The following TRPM8 variants were observed in gnomAD, a reference collection of about 807,000 sequenced individuals.
TRPM8 encodes the protein transient receptor potential cation channel subfamily M member 8.
Under a neutral mutation model 133.7 loss-of-function variants are expected in TRPM8, and 110 were observed. The observed-to-expected ratio is 0.82, with a 90% confidence interval of 0.70 to 0.96. The LOEUF is 0.96. Among genes scored for constraint, TRPM8 ranks in the 40% least tolerant of loss-of-function variants. The pLI is 0.00. For synonymous variants in TRPM8, 535 were observed against 532.3 expected, an observed-to-expected ratio of 1.01 and a Z score of -0.07; for missense variants, 1,291 against 1,379.5, an observed-to-expected ratio of 0.94 and a Z score of 1.02.
At chr2:234,001,358 C>G (rs4664000) in intron 22 of TRPM8, among the ~76,000 whole-genome samples, 111,817 of 152,100 alleles carry the variant, frequency 0.74, 41,565 homozygotes, top group African/African-American at 0.84. Flanking sequence ...TTTTGAGGTA[C>G]TGTGTCCTAA....
intron 8 of TRPM8, among the ~76,000 whole-genome samples, 154 bp from the exon 9 acceptor site, chr2:233,949,795 T>C (rs920648996): frequency 6.6e-6 from 1 of 152,218 alleles, no homozygotes; most frequent in African/African-American, 2.4e-5. Flanking sequence ...ATTGACAATA[T>C]TTGATTTGCT....
rs1240337330 is a variant in TRPM8 at position 234,018,229 on chromosome 2, GTTT to G, written c.*976_*978del. ...TTTCACTTAGTATTTTATCAAATAT[GTTT>G]TTATTATATTCATAGCCTTCTTAAA... On this transcript the variant is annotated 3_prime_UTR_variant, in exon 26 of 26. Transcript: ENST00000324695. 1 of 151,758 alleles carries G rather than the reference GTTT, an allele frequency of 6.6e-6. No individual in the cohort carries two copies. 9.4% of individuals were successfully genotyped at this position (151,758 alleles called of 1,614,324 possible). A position where few individuals can be genotyped will look rare whatever the true frequency, so the allele number is the denominator to read the frequency against.
chr2:233,944,105 A>T (rs974284812), intron 6 of TRPM8, among the ~76,000 whole-genome samples: 9 of 152,096 alleles, frequency 5.9e-5, no homozygotes, highest in Non-Finnish European at 1.2e-4. Flanking sequence ...CCCTTCTTCA[A>T]GCTTTTATAA....
In TRPM8 at chr2:233,972,368, C is replaced by A. The variant is rs184669755; in HGVS notation, c.2355+1942C>A. ...TCCTTGGGCTAGACATAAAGTTTCTCCACGTCCCCACCAGACTCAGGAGCC... is the reference window on the plus strand; with the variant it reads ...TCCTTGGGCTAGACATAAAGTTTCTACACGTCCCCACCAGACTCAGGAGCC... On this transcript the variant is annotated intron_variant, in intron 17 of 25. Coordinates refer to ENST00000324695, the MANE Select transcript of TRPM8 (RefSeq NM_024080.5). 2.0e-5 allele frequency among the ~76,000 whole-genome samples: 3 copies of A among 152,390 alleles called. No homozygotes were observed. The East Asian group carries it at 5.8e-4, about 29-fold the overall frequency.
At chr2:234,009,171 C>T (rs886129161) in intron 24 of TRPM8, among the ~76,000 whole-genome samples, 7 of 152,240 alleles carry the variant, frequency 4.6e-5, no homozygotes, top group Non-Finnish European at 1.0e-4. Flanking sequence ...CCTCCTTTCA[C>T]AGTGCTCTCT....
intron 11 of TRPM8, among the ~76,000 whole-genome samples, chr2:233,958,541 C>T (rs997959194): frequency 1.3e-4 from 20 of 152,168 alleles, no homozygotes; most frequent in African/African-American, 4.1e-4. Flanking sequence ...CTACATGATT[C>T]TGATTAAAGT....
chr2:233,959,702 A>G (rs952588286), intron 11 of TRPM8, among the ~76,000 whole-genome samples: 2 of 152,182 alleles, frequency 1.3e-5, no homozygotes, highest in African/African-American at 2.4e-5. Flanking sequence ...ATAAAATTGT[A>G]AGAAATGCTA....
intron 1 of TRPM8, among the ~76,000 whole-genome samples, chr2:233,919,035 C>T (rs763927353): frequency 1.3e-5 from 2 of 151,232 alleles, no homozygotes; most frequent in Non-Finnish European, 2.9e-5. Flanking sequence ...TTGTTTCTCC[C>T]CCCACCCCAT....
intron 5 of TRPM8, among the ~76,000 whole-genome samples, chr2:233,940,769 T>C (rs1244585438): frequency 6.6e-6 from 1 of 152,216 alleles, no homozygotes; most frequent in Non-Finnish European, 1.5e-5. Flanking sequence ...AGAAAAGATT[T>C]ATTCACAGGG....
intron 11 of TRPM8, among the ~76,000 whole-genome samples, chr2:233,955,652 G>A (rs1325364287): frequency 6.6e-6 from 1 of 152,030 alleles, no homozygotes; most frequent in Non-Finnish European, 1.5e-5. Flanking sequence ...TTTGCTCCCT[G>A]CCCCCACCTG....
chr2:233,937,872 C>CT lies in TRPM8; in HGVS notation c.348+363_348+364insT, dbSNP rs199987009. On this transcript the variant is annotated intron_variant, in intron 4 of 25. Coordinates refer to ENST00000324695, the MANE Select transcript of TRPM8 (RefSeq NM_024080.5). ...TGAGGTACATATGGCCCTGAATATGCATTCCCTTCATACTCACTGTGCAAG... is the reference window on the plus strand; with the variant it reads ...TGAGGTACATATGGCCCTGAATATGCTATTCCCTTCATACTCACTGTGCAAG... Among the ~76,000 whole-genome samples, 1,238 of 152,286 alleles carry CT rather than the reference C, an allele frequency of 8.1e-3. 14 individuals carry two copies. The highest frequency in any genetic ancestry group is 0.028 in the African/African-American group (1,161 of 41,534).
intron 21 of TRPM8, among the ~76,000 whole-genome samples, chr2:233,991,900 T>C (rs1472028350): frequency 6.6e-6 from 1 of 152,210 alleles, no homozygotes; most frequent in Non-Finnish European, 1.5e-5. Context: ...CCCCCAAAAA[T>C]TCTTGTGAAT....
intron 1 of TRPM8, among the ~76,000 whole-genome samples, chr2:233,920,694 A>T (rs556326716): frequency 3.3e-5 from 5 of 152,212 alleles, no homozygotes; most frequent in African/African-American, 9.6e-5. Flanking sequence ...ATTTTGAGAT[A>T]ATTATAGCTT....
chr2:234,017,509 T>G lies in TRPM8; in HGVS notation c.*253T>G, dbSNP rs1220447847. 2.6e-6 allele frequency: 1 copy of G among 382,072 alleles called. No individual in the cohort carries two copies. Among genetic ancestry groups the G allele is most frequent in the Non-Finnish European group, 5.2e-6 (1 of 191,640 alleles). The allele number at this position is 382,072 out of a possible 1,614,324, so 23.7% of individuals were successfully genotyped here. ...CTCCAGAATGGTGCCTGTTTCTCTC[T>G]GTGTCTCAATGCCTGGGACTGGAGG... On this transcript the variant is annotated 3_prime_UTR_variant, in exon 26 of 26. Coordinates refer to ENST00000324695, the MANE Select transcript of TRPM8 (RefSeq NM_024080.5).
intron 22 of TRPM8, among the ~76,000 whole-genome samples, chr2:233,997,302 G>A (rs1356742692): frequency 3.3e-5 from 5 of 152,076 alleles, no homozygotes; most frequent in African/African-American, 1.2e-4. Flanking sequence ...AAATAGGAAC[G>A]TGCAGTTCAA....
chr2:233,978,365 C>T (rs1251195536), intron 17 of TRPM8, among the ~76,000 whole-genome samples: 1 of 151,992 alleles, frequency 6.6e-6, no homozygotes, highest in African/African-American at 2.4e-5. Context: ...TTTATTTGGT[C>T]CATGTGCTAT....
At chr2:233,965,848 T>A (rs1691554653) in intron 14 of TRPM8, 2 of 151,262 alleles carry the variant, frequency 1.3e-5, no homozygotes, top group Admixed American at 1.3e-4. Flanking sequence ...GATCAGTGTT[T>A]CTTTTTTTTT....
chr2:233,964,858 T>TGTCC, intron 14 of TRPM8, 101 bp downstream of exon 14: 2 of 1,296,604 alleles, frequency 1.5e-6, no homozygotes, highest in Non-Finnish European at 2.1e-6. Flanking sequence ...GTCCGTGGCA[T>TGTCC]GTCCAAGCTC....
rs201712061 is a variant in TRPM8, at chr2:233,964,741, C to G, written c.1863C>G (p.Tyr621Ter). Residue 621 changes from tyrosine (Y) to a stop codon, truncating the protein, a stop_gained, in exon 14 of 26, where the codon TAC (tyrosine) becomes TAG (stop). Transcript: ENST00000324695. LOFTEE classifies it high-confidence loss of function. ...AGTCCGAGGAGCTGGCTAATGAGTA[C>G]GAGACCCGGGCTGTTGGTGAGTCCA... ...AGESEELANE[Y>*]ETRAVELFTE... is the part of the protein sequence containing the mutation. The G allele has an allele frequency of 6.2e-7, 1 of 1,611,908 alleles. No homozygotes were observed. The highest frequency in any genetic ancestry group is 8.5e-7 in the Non-Finnish European group (1 of 1,178,516).
Sources: allele counts gnomAD v4.1 joint callset (sites outside exome capture counted in the v4.1 genomes callset), GRCh38; gene constraint gnomAD v4.1.1; transcripts MANE v1.5; gene names NCBI Gene and HGNC (gene_info 2026-07-23, HGNC 2026-07-21).